GAP43: variants seen among roughly 807,000 people sequenced by gnomAD.
GAP43 encodes the protein neuromodulin.
In GAP43, 6 loss-of-function variants were observed where a neutral mutation model predicts 18.6. That is an observed-to-expected ratio of 0.32 (90% confidence interval 0.18 to 0.64). The LOEUF (loss-of-function observed/expected upper bound fraction) is 0.64. GAP43 is among the 30% of genes least tolerant of loss of function. The probability of loss-of-function intolerance (pLI) is 0.78; values close to 1 mark genes in which losing one functional copy is unlikely to be tolerated. For missense variants in GAP43, 292 were observed against 295.5 expected (o/e 0.99, Z 0.09); for synonymous variants, 115 against 111.4 (o/e 1.03, Z -0.20).
At chr3:115,657,253 G>C (rs1266927127) in intron 1 of GAP43, among the ~76,000 whole-genome samples, 1 of 152,222 alleles carries the variant, frequency 6.6e-6, no homozygotes, top group Non-Finnish European at 1.5e-5. Context: ...TAAAGTGGAA[G>C]TGTAGGAGAG....
intron 2 of GAP43, among the ~76,000 whole-genome samples, chr3:115,700,333 C>A (rs769680606): frequency 6.6e-6 from 1 of 152,136 alleles, no homozygotes; most frequent in Non-Finnish European, 1.5e-5. Flanking sequence ...CTCCCTCTTC[C>A]TAGATGATAT....
chr3:115,682,822 G>A (rs181483115), intron 2 of GAP43, among the ~76,000 whole-genome samples: 238 of 152,280 alleles, frequency 1.6e-3, no homozygotes, highest in African/African-American at 4.9e-3. Flanking sequence ...GAGCCACTGC[G>A]CCTGGCCCTT....
chr3:115,699,566 CT>C (rs933199961), intron 2 of GAP43, among the ~76,000 whole-genome samples: 7 of 152,090 alleles, frequency 4.6e-5, no homozygotes, highest in Non-Finnish European at 1.0e-4. Flanking sequence ...CTCCCATTTC[CT>C]TTTTATTTAC....
chr3:115,667,161 A>G (rs982147982), intron 1 of GAP43, among the ~76,000 whole-genome samples: 4 of 152,190 alleles, frequency 2.6e-5, no homozygotes, highest in African/African-American at 9.7e-5. Flanking sequence ...TGCCAGCACT[A>G]TTTTAGCCAC....
intron 1 of GAP43, among the ~76,000 whole-genome samples, chr3:115,666,742 C>T (rs1160150047): frequency 2.0e-5 from 3 of 152,102 alleles, no homozygotes; most frequent in African/African-American, 4.8e-5. Context: ...TGTCTAACTC[C>T]GCAGCCCATG....
intron 2 of GAP43, among the ~76,000 whole-genome samples, chr3:115,677,962 T>C (rs1211257634): frequency 6.6e-6 from 1 of 152,264 alleles, no homozygotes; most frequent in Non-Finnish European, 1.5e-5. Flanking sequence ...TGCCAGATTA[T>C]ATTAATTAAC....
At chr3:115,698,177 A>ATT (rs1327412159) in intron 2 of GAP43, among the ~76,000 whole-genome samples, 1 of 44,366 alleles carries the variant, frequency 2.3e-5, no homozygotes, top group Non-Finnish European at 4.2e-5. Flanking sequence ...TATATTAAAT[A>ATT]ATATATATAT....
rs188015094 is a variant in GAP43 at position 115,712,561 on chromosome 3, C to T, written c.629-8233C>T. Among the ~76,000 whole-genome samples, 30 of 152,332 alleles carry T rather than the reference C, an allele frequency of 2.0e-4. No individual in the cohort carries two copies. The East Asian group carries it at 5.2e-3, about 26-fold the overall frequency. On this transcript the variant is annotated intron_variant, in intron 2 of 2. Transcript: ENST00000305124. ...GATTAAAATCTCGACAAACTACATT[C>T]TGCACTTTAGATTTTATAAAGCACT...
chr3:115,645,158 T>G (rs1708442907), intron 1 of GAP43, among the ~76,000 whole-genome samples: 1 of 151,908 alleles, frequency 6.6e-6, no homozygotes, highest in Non-Finnish European at 1.5e-5. Flanking sequence ...GAAATCTTTA[T>G]TTAGTCCCAC....
In GAP43 at chr3:115,644,091, C is replaced by T. The variant is rs1476544779; in HGVS notation, c.30+20372C>T. ...CTAAGGTATGTGATGCAGCGGATTT[C>T]CCAAGAGTGATGAAAGAAGAATTTG... On this transcript the variant is annotated intron_variant, in intron 1 of 2. Transcript: ENST00000305124. The surrounding 1 kb of genome is among the most constrained non-coding windows in gnomAD (Gnocchi z 4.2). Among the ~76,000 whole-genome samples the T allele has an allele frequency of 6.6e-6, 1 of 151,970 alleles. No individual in the cohort carries two copies. The highest frequency in any genetic ancestry group is 1.5e-5 in the Non-Finnish European group (1 of 67,968).
At chr3:115,716,711 C>CAA (rs1167957044) in intron 2 of GAP43, among the ~76,000 whole-genome samples, 1 of 25,972 alleles carries the variant, frequency 3.9e-5, no homozygotes, top group Non-Finnish European at 8.7e-5. Flanking sequence ...ACTTTAATCT[C>CAA]AGACAAATAT....
intron 1 of GAP43, among the ~76,000 whole-genome samples, chr3:115,635,282 G>A (rs1708314104): frequency 6.6e-6 from 1 of 152,114 alleles, no homozygotes; most frequent in Admixed American, 6.6e-5. Context: ...CCTCTTCAGT[G>A]TGCCTCAGGG....
At chr3:115,687,414 A>C (rs919986609) in intron 2 of GAP43, among the ~76,000 whole-genome samples, 1 of 152,214 alleles carries the variant, frequency 6.6e-6, no homozygotes, top group African/African-American at 2.4e-5. Flanking sequence ...TGGTGTGAGT[A>C]ACTTCTAAAC....
At chr3:115,692,135 G>C (rs2107359405) in intron 2 of GAP43, among the ~76,000 whole-genome samples, 1 of 152,236 alleles carries the variant, frequency 6.6e-6, no homozygotes, top group African/African-American at 2.4e-5. Context: ...ACTCTACTGG[G>C]ACCACTGCAC....
At position 115,721,094 on chromosome 3, in the gene GAP43, G is replaced by T; in HGVS notation, c.*212G>T. 3.3e-6 allele frequency: 1 copy of T among 301,176 alleles called. No homozygotes were observed. Among genetic ancestry groups the T allele is most frequent in the East Asian group, 5.6e-5 (1 of 17,910 alleles). 18.7% of individuals were successfully genotyped at this position (301,176 alleles called of 1,614,324 possible). A position where few individuals can be genotyped will look rare whatever the true frequency, so the allele number is the denominator to read the frequency against. The stretch of plus-strand genomic sequence containing the variant: ...GAAAGATCCCAAGTCAAACAGTGTG[G>T]CTTAAACATTTTTTGTTTCTTGGTG... On this transcript the variant is annotated 3_prime_UTR_variant, in exon 3 of 3. Transcript: ENST00000305124.
chr3:115,660,060 G>A lies in GAP43; in HGVS notation c.31-15953G>A, dbSNP rs1355245679. Reference sequence around the variant, plus strand: ...GTTTAGCTTTTTGCTGAATCATGAAGGGTTTGTTACTGCATTCTGAGAGGG... The same window carrying A: ...GTTTAGCTTTTTGCTGAATCATGAAAGGTTTGTTACTGCATTCTGAGAGGG... On this transcript the variant is annotated intron_variant, in intron 1 of 2. Transcript: ENST00000305124. Among the ~76,000 whole-genome samples the A allele has an allele frequency of 3.3e-5, 5 of 152,228 alleles. No homozygotes were observed. In the South Asian group the frequency reaches 1.0e-3, roughly 32 times the overall value.
At chr3:115,654,603 G>A (rs550778025) in intron 1 of GAP43, among the ~76,000 whole-genome samples, 2 of 152,262 alleles carry the variant, frequency 1.3e-5, no homozygotes, top group Admixed American at 6.5e-5. Context: ...CCTGCCAAAC[G>A]TTGGCTGGAC....
intron 2 of GAP43, among the ~76,000 whole-genome samples, chr3:115,708,757 A>G (rs1709396686): frequency 6.6e-6 from 1 of 152,184 alleles, no homozygotes; most frequent in South Asian, 2.1e-4. Flanking sequence ...TGGGGCTGTT[A>G]GCAGCCAACA....
intron 1 of GAP43, 132 bp downstream of exon 1, chr3:115,623,851 C>A (rs1708148383): frequency 3.5e-6 from 3 of 860,528 alleles, no homozygotes; most frequent in Admixed American, 1.8e-5. Context: ...CATATGGTAA[C>A]TGATGGTTGC....
Sources: gnomAD v4.1 joint callset for allele counts (sites outside exome capture counted in the v4.1 genomes callset) on GRCh38, gnomAD v4.1.1 for gene constraint, Gnocchi (gnomAD v3.1) non-coding constraint, MANE v1.5 for transcripts, NCBI Gene and HGNC (gene_info 2026-07-23, HGNC 2026-07-21) for gene names.